Variants in NCAM2 observed in about 807,000 individuals in gnomAD.
The protein encoded by NCAM2 is neural cell adhesion molecule 2, also known as N-CAM-2.
A neutral mutation model predicts 98.1 loss-of-function variants in NCAM2; 30 were observed. The observed-to-expected ratio is 0.31, with a 90% CI of 0.23 to 0.41. The LOEUF (loss-of-function observed/expected upper bound fraction) is 0.41, where lower values mean the gene tolerates loss of function less well. NCAM2 is among the 10% of genes least tolerant of loss of function. NCAM2 has a pLI of 1.00. For missense variants in NCAM2, 867 were observed against 1,005.8 expected (o/e 0.86, Z 1.87); for synonymous variants, 368 against 342.4 (o/e 1.07, Z -0.83).
intron 14 of NCAM2, among the ~76,000 whole-genome samples, chr21:21,473,898 C>G (rs546958715): frequency 1.0e-5 from 1 of 95,798 alleles, no homozygotes; most frequent in Non-Finnish European, 2.2e-5. Context: ...CTGCTATTTT[C>G]TGACCAAAAA....
At chr21:21,016,058 G>A (rs550969054) in intron 1 of NCAM2, among the ~76,000 whole-genome samples, 1 of 152,062 alleles carries the variant, frequency 6.6e-6, no homozygotes, top group Non-Finnish European at 1.5e-5. Context: ...CCCTTACCCT[G>A]TGTTGTCTAG....
At chr21:21,115,865 A>G (rs1050153097) in intron 1 of NCAM2, among the ~76,000 whole-genome samples, 2 of 152,168 alleles carry the variant, frequency 1.3e-5, no homozygotes, top group Admixed American at 1.3e-4. Context: ...ATCAATTCAA[A>G]TTGGATCCCA....
intron 8 of NCAM2, among the ~76,000 whole-genome samples, chr21:21,343,683 C>T (rs1042596315): frequency 7.2e-5 from 11 of 152,156 alleles, no homozygotes; most frequent in Non-Finnish European, 1.3e-4. Flanking sequence ...ACAATTTAAA[C>T]CAGCCCTAGC....
chr21:21,356,887 GGCTGA>G (rs1486989558), intron 8 of NCAM2, among the ~76,000 whole-genome samples: 1 of 152,086 alleles, frequency 6.6e-6, no homozygotes, highest in Non-Finnish European at 1.5e-5. Flanking sequence ...CTACTCCGAA[GGCTGA>G]GGCAGGAGAA....
intron 8 of NCAM2, among the ~76,000 whole-genome samples, chr21:21,351,903 C>T (rs546613852): frequency 1.4e-4 from 21 of 151,968 alleles, no homozygotes; most frequent in Non-Finnish European, 2.8e-4. Context: ...CACGCCATCA[C>T]GCCCGGCTAA....
chr21:21,434,979 T>G (rs2077436394), intron 12 of NCAM2, among the ~76,000 whole-genome samples: 1 of 152,124 alleles, frequency 6.6e-6, no homozygotes, highest in Admixed American at 6.5e-5. Flanking sequence ...TGGGGATGTG[T>G]GACTGGAGTG....
intron 1 of NCAM2, among the ~76,000 whole-genome samples, chr21:21,134,876 G>A (rs2067010670): frequency 6.6e-6 from 1 of 151,772 alleles, no homozygotes; most frequent in Non-Finnish European, 1.5e-5. Flanking sequence ...ACCACACCTG[G>A]CTATTTTTTT....
intron 1 of NCAM2, among the ~76,000 whole-genome samples, chr21:21,192,736 G>A (rs572200030): frequency 6.6e-5 from 10 of 152,244 alleles, no homozygotes; most frequent in South Asian, 6.2e-4. Flanking sequence ...CAAAACAACC[G>A]TGAGTGAATA....
intron 1 of NCAM2, among the ~76,000 whole-genome samples, chr21:21,054,883 CAT>C (rs2065182755): frequency 6.6e-6 from 1 of 151,916 alleles, no homozygotes; most frequent in Admixed American, 6.6e-5. Context: ...GTTTCTGCCT[CAT>C]AAATTTTTAA....
intron 12 of NCAM2, among the ~76,000 whole-genome samples, chr21:21,446,379 C>G (rs1980139959): frequency 6.6e-6 from 1 of 151,998 alleles, no homozygotes; most frequent in African/African-American, 2.4e-5. Context: ...GTTGGCCTGT[C>G]TTGCTGGGTT....
At chr21:21,359,399 A>G (rs1249125978) in intron 8 of NCAM2, among the ~76,000 whole-genome samples, 1 of 152,006 alleles carries the variant, frequency 6.6e-6, no homozygotes, top group East Asian at 1.9e-4. Flanking sequence ...CACAGCTTGA[A>G]TAAAGATTTT....
chr21:21,263,568 A>G (rs1001424057), intron 1 of NCAM2, among the ~76,000 whole-genome samples: 2 of 152,114 alleles, frequency 1.3e-5, no homozygotes, highest in African/African-American at 4.8e-5. Context: ...CTAAGCAAAA[A>G]CAACAGAGCC....
chr21:21,260,600 G>C (rs939848646), intron 1 of NCAM2, among the ~76,000 whole-genome samples: 5 of 150,452 alleles, frequency 3.3e-5, no homozygotes, highest in African/African-American at 1.2e-4. Context: ...TTTATTTCTT[G>C]CCAAACTAAC....
chr21:21,453,421 G>A (rs551913677), intron 12 of NCAM2, among the ~76,000 whole-genome samples: 29 of 152,054 alleles, frequency 1.9e-4, no homozygotes, highest in African/African-American at 6.7e-4. Flanking sequence ...AAATGAAGTA[G>A]GAGTAGACAG....
intron 1 of NCAM2, among the ~76,000 whole-genome samples, chr21:21,242,493 A>G (rs925036453): frequency 1.3e-5 from 2 of 152,150 alleles, no homozygotes; most frequent in South Asian, 2.1e-4. Flanking sequence ...TCGTTTCCCA[A>G]TCACCTGTGT....
chr21:21,090,530 G>A (rs781716783), intron 1 of NCAM2, among the ~76,000 whole-genome samples: 1 of 152,118 alleles, frequency 6.6e-6, no homozygotes, highest in Non-Finnish European at 1.5e-5. Flanking sequence ...TCCTTTTCAA[G>A]AAATATCCCT....
At chr21:21,493,229 A>G (rs1054590809) in intron 15 of NCAM2, among the ~76,000 whole-genome samples, 5 of 151,896 alleles carry the variant, frequency 3.3e-5, no homozygotes, top group Admixed American at 6.6e-5. Context: ...TAAAGCATCT[A>G]TATGTGTTAC....
intron 8 of NCAM2, among the ~76,000 whole-genome samples, chr21:21,356,429 T>G (rs2075480972): frequency 6.6e-6 from 1 of 152,102 alleles, no homozygotes; most frequent in Non-Finnish European, 1.5e-5. Flanking sequence ...TGGAGTGAAC[T>G]TTTCACAATA....
chr21:21,099,822 C>T (rs889174596), intron 1 of NCAM2, among the ~76,000 whole-genome samples: 2 of 151,904 alleles, frequency 1.3e-5, no homozygotes, highest in Non-Finnish European at 2.9e-5. Context: ...CCCAGTTCAC[C>T]TAACCCACCC....
Sources: gnomAD v4.1 joint callset for allele counts (sites outside exome capture counted in the v4.1 genomes callset) on GRCh38, gnomAD v4.1.1 for gene constraint, MANE v1.5 for transcripts, NCBI Gene and HGNC (gene_info 2026-07-23, HGNC 2026-07-21) for gene names.